Variants in HSPD1 observed in about 807,000 individuals in gnomAD.
HSPD1 encodes heat shock protein family D (Hsp60) member 1.
A neutral mutation model predicts 53.0 loss-of-function variants in HSPD1; 3 were observed. The observed-to-expected ratio is 0.06, with a 90% CI of 0.03 to 0.15. The LOEUF (loss-of-function observed/expected upper bound fraction) is 0.15, where lower values mean the gene tolerates loss of function less well. Among genes scored for constraint, HSPD1 ranks in the 10% least tolerant of loss-of-function variants. The pLI, the probability that HSPD1 is intolerant of heterozygous loss-of-function variation, is 1.00. For synonymous variants in HSPD1, 200 were observed against 228.0 expected (o/e 0.88, Z 1.10); for missense variants, 431 against 694.1 (o/e 0.62, Z 4.26).
In HSPD1 at chr2:197,494,185, A is replaced by T. The variant is rs374770160; in HGVS notation, c.672T>A (p.Ile224=). The T allele has an allele frequency of 5.3e-6, 8 of 1,497,980 alleles. No homozygotes were observed. Among genetic ancestry groups the T allele is most frequent in the Non-Finnish European group, 7.4e-6 (8 of 1,075,622 alleles). 92.8% of individuals were successfully genotyped at this position (1,497,980 alleles called of 1,614,324 possible). A position where few individuals can be genotyped will look rare whatever the true frequency, so the allele number is the denominator to read the frequency against. ...TTGATGTATTAATAAAGTATGGAGA[A>T]ATATAGCCTCGATCAAACTTCATGC... ...IEGMKFDRGY[I]SPYFINTSKG... Residue 224 remains isoleucine (I), a synonymous_variant, in exon 6 of 12, where the codon ATT becomes ATA. Transcript: ENST00000388968.
At chr2:197,493,276 C>T in intron 7 of HSPD1, 48 bp downstream of exon 7, 1 of 1,507,922 alleles carries the variant, frequency 6.6e-7, no homozygotes, top group Non-Finnish European at 9.2e-7. Context: ...ACAAATAATT[C>T]TGTCTTTCAC....
intron 3 of HSPD1, among the ~76,000 whole-genome samples, chr2:197,496,561 A>G (rs898488260): frequency 3.9e-5 from 6 of 152,344 alleles, no homozygotes; most frequent in African/African-American, 1.2e-4. Context: ...ACAGCTAATA[A>G]ATGACAAACA....
intron 11 of HSPD1, 70 bp downstream of exon 11, chr2:197,487,788 A>G (rs1453558012): frequency 7.7e-7 from 1 of 1,304,842 alleles, no homozygotes; most frequent in East Asian, 2.3e-5. Flanking sequence ...AAAATCAAAG[A>G]TTTGGGATGT....
At chr2:197,491,035 C>G (rs1030081243) in intron 7 of HSPD1, among the ~76,000 whole-genome samples, 1 of 152,136 alleles carries the variant, frequency 6.6e-6, no homozygotes, top group Non-Finnish European at 1.5e-5. Flanking sequence ...AACTTCAAGA[C>G]AGCTGGTCTA....
intron 7 of HSPD1, among the ~76,000 whole-genome samples, chr2:197,491,964 G>A (rs1303260794): frequency 6.6e-6 from 1 of 151,990 alleles, no homozygotes; most frequent in African/African-American, 2.4e-5. Flanking sequence ...GCAACATATT[G>A]AGGCAACATA....
At chr2:197,489,415 AC>A (rs1430138077) in intron 8 of HSPD1, among the ~76,000 whole-genome samples, 168 bp from the exon 9 acceptor site, 1 of 152,194 alleles carries the variant, frequency 6.6e-6, no homozygotes, top group African/African-American at 2.4e-5. Context: ...AGTCTCTTTC[AC>A]TGCATTTCCA....
upstream of HSPD1, chr2:197,499,900 G>C: frequency 6.5e-6 from 1 of 153,744 alleles, no homozygotes; most frequent in South Asian, 1.9e-4. Context: ...CTCTACTCCC[G>C]CCCCGCGGCA....
At chr2:197,493,243 T>C in intron 7 of HSPD1, 81 bp downstream of exon 7, 1 of 1,174,220 alleles carries the variant, frequency 8.5e-7, no homozygotes, top group South Asian at 1.2e-5. Flanking sequence ...GAGGTACACA[T>C]GATGGAAACT....
rs528455304 is a variant in HSPD1, at chr2:197,493,177, C to G, written c.869+147G>C. Reference sequence around the variant, plus strand: ...ACACAACCATAAGGATACATTAGAGCACACCTGATTTACACAATTACAATT... The same window carrying G: ...ACACAACCATAAGGATACATTAGAGGACACCTGATTTACACAATTACAATT... On this transcript the variant is annotated intron_variant, in intron 7 of 11. Coordinates refer to ENST00000388968, the MANE Select transcript of HSPD1 (RefSeq NM_002156.5). 425 of 746,724 alleles carry G rather than the reference C, an allele frequency of 5.7e-4. 2 individuals are homozygous for G. In the African/African-American group the frequency reaches 6.2e-3, roughly 11 times the overall value. The allele number at this position is 746,724 out of a possible 1,614,324, so 46.3% of individuals were successfully genotyped here. A position where few individuals can be genotyped will look rare whatever the true frequency, so the allele number is the denominator to read the frequency against.
chr2:197,489,716 G>A (rs1212946658), intron 8 of HSPD1, among the ~76,000 whole-genome samples: 1 of 152,078 alleles, frequency 6.6e-6, no homozygotes, highest in Non-Finnish European at 1.5e-5. Context: ...AATTAGCTGG[G>A]CATGGTACTG....
At chr2:197,492,314 T>TG (rs1317209860) in intron 7 of HSPD1, among the ~76,000 whole-genome samples, 1 of 152,068 alleles carries the variant, frequency 6.6e-6, no homozygotes, top group Non-Finnish European at 1.5e-5. Context: ...CCTCAGCCTC[T>TG]GAGTAGCTGG....
intron 10 of HSPD1, 27 bp downstream of exon 10, chr2:197,488,290 A>G (rs1458444640): frequency 6.2e-7 from 1 of 1,607,768 alleles, no homozygotes; most frequent in African/African-American, 1.3e-5. Flanking sequence ...ATCAGGCCAC[A>G]AACTCATTTA....
In HSPD1 at chr2:197,495,139, A is replaced by G. The variant is rs370869081; in HGVS notation, c.510+155T>C. On this transcript the variant is annotated intron_variant, in intron 4 of 11. Transcript: ENST00000388968. ...CTAAATGACAACCATTATGGTCATAATTCTTTTCAAAGGTTTTAGCAGTAA... is the reference window on the plus strand; with the variant it reads ...CTAAATGACAACCATTATGGTCATAGTTCTTTTCAAAGGTTTTAGCAGTAA... The G allele has an allele frequency of 3.7e-4, 241 of 655,760 alleles. 2 individuals are homozygous for G. The highest frequency in any genetic ancestry group is 3.7e-3 in the South Asian group (202 of 55,326). The allele number at this position is 655,760 out of a possible 1,614,324, so 40.6% of individuals were successfully genotyped here. A position where few individuals can be genotyped will look rare whatever the true frequency, so the allele number is the denominator to read the frequency against.
chr2:197,497,368 T>C lies in HSPD1; in HGVS notation c.199A>G (p.Ser67Gly), dbSNP rs768276396. Residue 67 changes from serine to glycine, a missense_variant, in exon 3 of 12, where the codon AGT becomes GGT. By Grantham distance (56) the Ser-to-Gly change is moderately conservative. This residue lies in a region of HSPD1 where 386 missense variants were observed against 657.6 expected (regional missense o/e 0.59). Coordinates refer to ENST00000388968, the MANE Select transcript of HSPD1 (RefSeq NM_002156.5). ...TTTGTTACTTTGGGACTTCCCCAAC[T>C]CTGCTCAATAATCACTGTTCTTCCC... ...PKGRTVIIEQSWGSPKVTKDG... is the reference protein window; with the variant it reads ...PKGRTVIIEQGWGSPKVTKDG... 1 of 1,613,720 alleles carries C rather than the reference T, an allele frequency of 6.2e-7. No homozygotes were observed. The highest frequency in any genetic ancestry group is 1.1e-5 in the South Asian group (1 of 91,068).
intron 2 of HSPD1, among the ~76,000 whole-genome samples, chr2:197,498,177 ATGG>A (rs1196708828): frequency 2.0e-5 from 3 of 152,210 alleles, no homozygotes; most frequent in Non-Finnish European, 4.4e-5. Context: ...TTGGAGATGG[ATGG>A]TGGTGATGAC....
At position 197,495,024 on chromosome 2, in the gene HSPD1, T is replaced by C. The variant is rs929516815; in HGVS notation, c.510+270A>G. 1.3e-5 allele frequency: 8 copies of C among 596,890 alleles called. No homozygotes were observed. In the Admixed American group the frequency reaches 1.8e-4, roughly 13 times the overall value. 37.0% of individuals were successfully genotyped at this position (596,890 alleles called of 1,614,324 possible). On this transcript the variant is annotated intron_variant, in intron 4 of 11. Coordinates refer to ENST00000388968, the MANE Select transcript of HSPD1 (RefSeq NM_002156.5). ...CTTCATTACAAACTGACAAAACTTATGCACCTTTGACAATGGCTAAGAACA... is the reference window on the plus strand; with the variant it reads ...CTTCATTACAAACTGACAAAACTTACGCACCTTTGACAATGGCTAAGAACA...
At chr2:197,493,536 G>C (rs1157599438) in intron 6 of HSPD1, 44 bp from the exon 7 acceptor site, 1 of 1,395,164 alleles carries the variant, frequency 7.2e-7, no homozygotes, top group East Asian at 2.3e-5. Context: ...AAAAATGACT[G>C]CAATACATTT....
At chr2:197,495,080 CCATGTAGAACTAAAATGACAACCA>C (rs1257994530) in intron 4 of HSPD1, 190 bp downstream of exon 4, 5 of 608,384 alleles carry the variant, frequency 8.2e-6, no homozygotes, top group South Asian at 2.0e-5. Context: ...CATTTTACAG[CCATGTAGAACTAAAATGACAACCA>C]CATGTAGAAC....
intron 4 of HSPD1, 197 bp downstream of exon 4, chr2:197,495,097 G>A (rs548837303): frequency 6.5e-6 from 4 of 614,544 alleles, no homozygotes; most frequent in South Asian, 4.1e-5. Context: ...GAACTAAAAT[G>A]ACAACCACAT....
Sources: allele counts gnomAD v4.1 joint callset (sites outside exome capture counted in the v4.1 genomes callset), GRCh38; gene constraint gnomAD v4.1.1; regional missense constraint gnomAD v4.1.1; transcripts MANE v1.5; gene names NCBI Gene and HGNC (gene_info 2026-07-23, HGNC 2026-07-21).